The following HTR1F variants were observed in gnomAD, a reference collection of about 807,000 sequenced individuals.
HTR1F encodes 5-hydroxytryptamine (serotonin) receptor 1F, G protein-coupled.
HTR1F carries 17 observed loss-of-function variants against 24.0 expected under a neutral mutation model. That is an observed-to-expected ratio of 0.71 (90% CI 0.48 to 1.06). The LOEUF (loss-of-function observed/expected upper bound fraction) is 1.06. Ranked by LOEUF, HTR1F falls within the 50% of genes least tolerant of loss-of-function variation. The pLI is 0.00. For missense variants in HTR1F, 391 were observed against 427.8 expected (o/e 0.91, Z 0.76); for synonymous variants, 186 against 156.8 (o/e 1.19, Z -1.39).
At chr3:87,987,428 T>A (rs1303154234) in intron 2 of HTR1F, among the ~76,000 whole-genome samples, 2 of 151,410 alleles carry the variant, frequency 1.3e-5, no homozygotes, top group East Asian at 3.9e-4. Flanking sequence ...TTAATGGCAG[T>A]CCTGATGGTG....
At chr3:87,923,885 T>C (rs956232167) in intron 2 of HTR1F, among the ~76,000 whole-genome samples, 3 of 152,098 alleles carry the variant, frequency 2.0e-5, no homozygotes, top group Non-Finnish European at 2.9e-5. Context: ...TGCTGTTGGA[T>C]TTGGCTTGCT....
Position 87,935,844 on chromosome 3 carries a change from C to T in HTR1F, c.-42-54864C>T, listed in dbSNP as rs541720102. On this transcript the variant is annotated intron_variant, in intron 2 of 2. Coordinates refer to ENST00000319595, the MANE Select transcript of HTR1F (RefSeq NM_001322209.2). ...AAAAAATTTGGCTTAATAACATTTC[C>T]CCACATTTTTAGGATTTTTTTTTTT... Among the ~76,000 whole-genome samples the T allele has an allele frequency of 5.2e-4, 78 of 151,302 alleles. 1 individual carries two copies. The highest frequency in any genetic ancestry group is 1.7e-3 in the African/African-American group (72 of 41,172).
At chr3:87,931,294 C>A (rs1004559125) in intron 2 of HTR1F, among the ~76,000 whole-genome samples, 1 of 151,638 alleles carries the variant, frequency 6.6e-6, no homozygotes, top group Non-Finnish European at 1.5e-5. Context: ...TGAGAACATG[C>A]GGTGTTTGGT....
chr3:87,949,480 C>T (rs1025301950), intron 2 of HTR1F, among the ~76,000 whole-genome samples: 4 of 152,164 alleles, frequency 2.6e-5, no homozygotes, highest in Non-Finnish European at 5.9e-5. Context: ...CTGATGTATG[C>T]GTTAGGGAAA....
intron 2 of HTR1F, among the ~76,000 whole-genome samples, 125 bp downstream of exon 2, chr3:87,822,249 T>C (rs992686801): frequency 7.2e-5 from 11 of 152,158 alleles, no homozygotes; most frequent in African/African-American, 2.7e-4. Flanking sequence ...ATATGACTCC[T>C]GCTTCCAGGA....
At chr3:87,960,755 G>A (rs555114262) in intron 2 of HTR1F, among the ~76,000 whole-genome samples, 1 of 151,974 alleles carries the variant, frequency 6.6e-6, no homozygotes, top group South Asian at 2.1e-4. Flanking sequence ...CTGTTACTTG[G>A]ACTTGGGTTT....
intron 2 of HTR1F, among the ~76,000 whole-genome samples, chr3:87,855,339 C>T (rs1349242893): frequency 6.6e-6 from 1 of 152,000 alleles, no homozygotes; most frequent in Non-Finnish European, 1.5e-5. Context: ...TTTCCTCTTC[C>T]TGATAATCCA....
At chr3:87,919,437 A>G (rs910284455) in intron 2 of HTR1F, among the ~76,000 whole-genome samples, 4 of 152,136 alleles carry the variant, frequency 2.6e-5, no homozygotes, top group African/African-American at 9.7e-5. Flanking sequence ...TTAACAGACA[A>G]CCCACAGAGT....
chr3:87,914,864 C>CA (rs1703858360), intron 2 of HTR1F, among the ~76,000 whole-genome samples: 1 of 152,030 alleles, frequency 6.6e-6, no homozygotes, highest in African/African-American at 2.4e-5. Context: ...TGGAAAGCAC[C>CA]ACCCCCTGGC....
intron 2 of HTR1F, among the ~76,000 whole-genome samples, chr3:87,901,919 C>A (rs1198144119): frequency 6.6e-6 from 1 of 151,982 alleles, no homozygotes; most frequent in East Asian, 1.9e-4. Flanking sequence ...AAATAATTGC[C>A]AAACATTTCT....
intron 2 of HTR1F, among the ~76,000 whole-genome samples, chr3:87,950,889 G>C (rs1371607603): frequency 6.6e-6 from 1 of 152,036 alleles, no homozygotes; most frequent in Admixed American, 6.6e-5. Context: ...CCTTATCAAA[G>C]CAGGAAATGC....
At chr3:87,980,482 T>G (rs923590854) in intron 2 of HTR1F, among the ~76,000 whole-genome samples, 3 of 152,206 alleles carry the variant, frequency 2.0e-5, no homozygotes, top group East Asian at 1.9e-4. Context: ...GACTGGTCCA[T>G]GAGCAGCCAT....
At chr3:87,857,356 G>T (rs1226743303) in intron 2 of HTR1F, among the ~76,000 whole-genome samples, 1 of 151,912 alleles carries the variant, frequency 6.6e-6, no homozygotes, top group Non-Finnish European at 1.5e-5. Flanking sequence ...TGAATAGGAA[G>T]AATATAAAAT....
At chr3:87,933,185 G>T (rs1398387845) in intron 2 of HTR1F, among the ~76,000 whole-genome samples, 2 of 152,066 alleles carry the variant, frequency 1.3e-5, no homozygotes, top group Non-Finnish European at 2.9e-5. Flanking sequence ...AATAAATTAG[G>T]TATTGATTGG....
intron 2 of HTR1F, among the ~76,000 whole-genome samples, chr3:87,857,283 T>TA (rs201909214): frequency 0.04 from 6,027 of 151,562 alleles, 197 homozygotes; most frequent in African/African-American, 0.098. Flanking sequence ...CTGATTATGG[T>TA]AAAAAAAAGT....
intron 2 of HTR1F, among the ~76,000 whole-genome samples, chr3:87,898,911 T>G (rs1418584114): frequency 1.3e-5 from 2 of 152,202 alleles, no homozygotes; most frequent in Non-Finnish European, 2.9e-5. Context: ...CATTTACTTT[T>G]GTGTATGTTT....
chr3:87,847,495 G>A (rs1241652330), intron 2 of HTR1F, among the ~76,000 whole-genome samples: 1 of 151,682 alleles, frequency 6.6e-6, no homozygotes, highest in South Asian at 2.1e-4. Context: ...AAGGTATTTG[G>A]GGTATCCATT....
At chr3:87,937,013 C>T (rs1173821260) in intron 2 of HTR1F, among the ~76,000 whole-genome samples, 1 of 147,912 alleles carries the variant, frequency 6.8e-6, no homozygotes, top group Non-Finnish European at 1.5e-5. Flanking sequence ...ATCCCAGAAC[C>T]GGATAGATCC....
chr3:87,792,811 G>A lies in HTR1F; in HGVS notation c.-191G>A, dbSNP rs1703837007. Among the ~76,000 whole-genome samples, 2 of 152,208 alleles carry A rather than the reference G, an allele frequency of 1.3e-5. No homozygotes were observed. The highest frequency in any genetic ancestry group is 2.9e-5 in the Non-Finnish European group (2 of 68,038). On this transcript the variant is annotated 5_prime_UTR_variant, in exon 1 of 3. Coordinates refer to ENST00000319595, the MANE Select transcript of HTR1F (RefSeq NM_001322209.2). ...GCCCCGGGGCTGGGGGCGCCACCTT[G>A]CCAGCTCCGACTGCTGCAGGGAGCG...
Sources: allele counts gnomAD v4.1 joint callset (sites outside exome capture counted in the v4.1 genomes callset), GRCh38; gene constraint gnomAD v4.1.1; transcripts MANE v1.5; gene names NCBI Gene and HGNC (gene_info 2026-07-23, HGNC 2026-07-21).